The following MRAP2 variants were observed in gnomAD, a reference collection of about 807,000 sequenced individuals.
MRAP2 encodes melanocortin-2 receptor accessory protein 2.
A neutral mutation model predicts 17.4 loss-of-function variants in MRAP2; 20 were observed. The ratio of observed to expected loss-of-function variants is 1.15; its 90% CI spans 0.81 to 1.67. MRAP2 has a LOEUF of 1.67. MRAP2 is among the 40% of genes most tolerant of loss of function. MRAP2 has a pLI of 0.00. For synonymous variants in MRAP2, 96 were observed against 88.4 expected, an observed-to-expected ratio of 1.09 and a Z score of -0.48; for missense variants, 238 against 240.0, an observed-to-expected ratio of 0.99 and a Z score of 0.05.
chr6:84,141,779 C>T, the MRAP2 span, among the ~76,000 whole-genome samples: 1 of 152,134 alleles, frequency 6.6e-6, no homozygotes, highest in South Asian at 2.1e-4. Context: ...CTACACTCCA[C>T]CTACTTTCCA....
At chr6:84,132,657 C>T in the MRAP2 span, among the ~76,000 whole-genome samples, 10 of 152,170 alleles carry the variant, frequency 6.6e-5, no homozygotes, top group African/African-American at 2.4e-4. Context: ...CTTGTGCATA[C>T]ATCACATAGT....
chr6:84,130,283 AT>A, the MRAP2 span, among the ~76,000 whole-genome samples: 2 of 152,276 alleles, frequency 1.3e-5, no homozygotes, highest in African/African-American at 4.8e-5. Context: ...GGATTTTTGC[AT>A]TGATGTTCAT....
the MRAP2 span, among the ~76,000 whole-genome samples, chr6:84,123,623 G>C: frequency 1.3e-5 from 2 of 151,950 alleles, no homozygotes; most frequent in African/African-American, 4.8e-5. Context: ...GTATTAAAAT[G>C]CTAGAAGAAA....
intron 3 of MRAP2, among the ~76,000 whole-genome samples, chr6:84,064,087 C>T (rs1016000438): frequency 6.6e-5 from 10 of 151,078 alleles, no homozygotes; most frequent in African/African-American, 9.7e-5. Context: ...AGGGGCTGTG[C>T]GGAAGTTATG....
At chr6:84,087,612 A>C (rs543108459) in intron 3 of MRAP2, among the ~76,000 whole-genome samples, 219 of 152,374 alleles carry the variant, frequency 1.4e-3, no homozygotes, top group African/African-American at 5.1e-3. Context: ...ACTCATTTAC[A>C]GAAAGACAAA....
At chr6:84,062,694 G>A (rs2099493483) in intron 2 of MRAP2, 199 bp from the exon 3 acceptor site, 1 of 985,290 alleles carries the variant, frequency 1.0e-6, no homozygotes, top group Admixed American at 6.1e-5. Flanking sequence ...TGCTATCTGA[G>A]ACAGAAACCT....
the MRAP2 span, among the ~76,000 whole-genome samples, chr6:84,137,201 G>A: frequency 1.3e-5 from 2 of 152,320 alleles, no homozygotes; most frequent in Non-Finnish European, 2.9e-5. Flanking sequence ...TTGCATTGAA[G>A]AGAAATGCGT....
intron 3 of MRAP2, among the ~76,000 whole-genome samples, chr6:84,063,960 A>G (rs2099493833): frequency 6.6e-6 from 1 of 151,830 alleles, no homozygotes; most frequent in South Asian, 2.1e-4. Flanking sequence ...CACAAGAATC[A>G]CTTGAACCTG....
At chr6:84,137,024 G>A in the MRAP2 span, among the ~76,000 whole-genome samples, 12 of 152,310 alleles carry the variant, frequency 7.9e-5, no homozygotes, top group African/African-American at 2.6e-4. Context: ...GGGAGCCACC[G>A]TGCAAGGATT....
At chr6:84,139,078 A>G in the MRAP2 span, among the ~76,000 whole-genome samples, 26 of 152,316 alleles carry the variant, frequency 1.7e-4, no homozygotes, top group East Asian at 5.0e-3. Flanking sequence ...GGCCTTTCAC[A>G]CTTTTTAGAA....
At chr6:84,114,406 A>C in the MRAP2 span, among the ~76,000 whole-genome samples, 1 of 151,888 alleles carries the variant, frequency 6.6e-6, no homozygotes, top group South Asian at 2.1e-4. Flanking sequence ...CAAAGTTCTC[A>C]TGTTGTGTTT....
At position 84,070,685 on chromosome 6, in the gene MRAP2, C is replaced by A. The variant is rs57318784; in HGVS notation, c.227+7693C>A. Among the ~76,000 whole-genome samples, 906 of 152,180 alleles carry A rather than the reference C, an allele frequency of 6.0e-3. 4 individuals are homozygous for A. Among genetic ancestry groups the A allele is most frequent in the African/African-American group, 0.021 (874 of 41,548 alleles). ...TCTGATGAGCTGCCTAGTGCTCTCC[C>A]TGGAGGATTGAAGTCCCCCACTTAG... On this transcript the variant is annotated intron_variant, in intron 3 of 3. Coordinates refer to ENST00000257776, the MANE Select transcript of MRAP2 (RefSeq NM_138409.4).
intron 3 of MRAP2, among the ~76,000 whole-genome samples, chr6:84,080,119 C>T (rs1232695291): frequency 6.6e-6 from 1 of 151,930 alleles, no homozygotes; most frequent in East Asian, 1.9e-4. Context: ...CCACAAGCTC[C>T]GCCTCCCGGG....
At chr6:84,037,451 G>T (rs1391932742) in intron 1 of MRAP2, among the ~76,000 whole-genome samples, 2 of 152,250 alleles carry the variant, frequency 1.3e-5, no homozygotes, top group African/African-American at 2.4e-5. Context: ...GGGCGGAGCT[G>T]CCCACCAGTC....
chr6:84,136,699 C>T, the MRAP2 span, among the ~76,000 whole-genome samples: 1 of 152,086 alleles, frequency 6.6e-6, no homozygotes, highest in African/African-American at 2.4e-5. Flanking sequence ...CATCTGCTCA[C>T]TAAGTATTTA....
At chr6:84,076,484 A>C (rs150391645) in intron 3 of MRAP2, among the ~76,000 whole-genome samples, 1 of 151,946 alleles carries the variant, frequency 6.6e-6, no homozygotes, top group African/African-American at 2.4e-5. Context: ...TCTGCCTCCC[A>C]AAGTGCTGGG....
At chr6:84,064,646 C>G (rs1434302406) in intron 3 of MRAP2, among the ~76,000 whole-genome samples, 1 of 152,166 alleles carries the variant, frequency 6.6e-6, no homozygotes, top group South Asian at 2.1e-4. Context: ...CACCACCACG[C>G]CCAGCTACTT....
chr6:84,070,126 T>C (rs1268880415), intron 3 of MRAP2, among the ~76,000 whole-genome samples: 2 of 152,144 alleles, frequency 1.3e-5, no homozygotes, highest in Non-Finnish European at 2.9e-5. Context: ...TTACCTTTCT[T>C]CTGCTGGGTT....
At chr6:84,128,695 C>CT in the MRAP2 span, among the ~76,000 whole-genome samples, 955 of 149,548 alleles carry the variant, frequency 6.4e-3, 4 homozygotes, top group African/African-American at 0.022. Context: ...AAACATTAAA[C>CT]TTTTTTTTTT....
Sources: gnomAD v4.1 joint callset for allele counts (sites outside exome capture counted in the v4.1 genomes callset) on GRCh38, gnomAD v4.1.1 for gene constraint, MANE v1.5 for transcripts, NCBI Gene and HGNC (gene_info 2026-07-23, HGNC 2026-07-21) for gene names.